The following GPHN variants were observed in gnomAD, a reference collection of about 807,000 sequenced individuals.
GPHN encodes the protein gephyrin.
GPHN carries 17 observed loss-of-function variants against 95.5 expected under a neutral mutation model. The observed-to-expected ratio is 0.18, with a 90% CI of 0.12 to 0.27. The LOEUF (loss-of-function observed/expected upper bound fraction) is 0.27, where lower values mean the gene tolerates loss of function less well. GPHN is among the 10% of genes least tolerant of loss of function. The pLI is 1.00. For missense variants in GPHN, 660 were observed against 978.1 expected, an observed-to-expected ratio of 0.67 and a Z score of 4.34; for synonymous variants, 320 against 322.5, an observed-to-expected ratio of 0.99 and a Z score of 0.08.
At chr14:67,417,613 T>G in the GPHN span, among the ~76,000 whole-genome samples, 1 of 151,994 alleles carries the variant, frequency 6.6e-6, no homozygotes, top group Admixed American at 6.6e-5. Context: ...AAAAAATTTT[T>G]TTTTGTAGAG....
At chr14:67,381,791 CAA>C in the GPHN span, 1 of 823,066 alleles carries the variant, frequency 1.2e-6, no homozygotes, top group Non-Finnish European at 1.9e-6. Flanking sequence ...CATTTCATAA[CAA>C]AAGTGGGTTT....
At chr14:66,712,418 C>T (rs368843446) in intron 2 of GPHN, among the ~76,000 whole-genome samples, 45 of 152,186 alleles carry the variant, frequency 3.0e-4, no homozygotes, top group African/African-American at 9.9e-4. Context: ...ATCCTTTGCC[C>T]GCTTGTTGAT....
chr14:66,827,244 A>G (rs1043853676), intron 4 of GPHN, among the ~76,000 whole-genome samples: 1 of 151,550 alleles, frequency 6.6e-6, no homozygotes, highest in Non-Finnish European at 1.5e-5. Context: ...AGATCACAAC[A>G]TTGCACTCCA....
At chr14:66,707,650 C>A (rs986160240) in intron 2 of GPHN, among the ~76,000 whole-genome samples, 1 of 152,188 alleles carries the variant, frequency 6.6e-6, no homozygotes, top group African/African-American at 2.4e-5. Context: ...GAACAACACA[C>A]ACCAGGGCCT....
chr14:67,352,313 T>TA, the GPHN span, among the ~76,000 whole-genome samples: 12 of 143,424 alleles, frequency 8.4e-5, no homozygotes, highest in African/African-American at 1.8e-4. Flanking sequence ...CTACTAAAAA[T>TA]AAAAAAAATG....
At chr14:67,031,257 C>A (rs543558377) in intron 10 of GPHN, among the ~76,000 whole-genome samples, 1 of 152,122 alleles carries the variant, frequency 6.6e-6, no homozygotes, top group East Asian at 1.9e-4. Flanking sequence ...GAATTTTTAT[C>A]TTTTTTATTA....
the GPHN span, among the ~76,000 whole-genome samples, chr14:67,460,611 G>A: frequency 6.6e-6 from 1 of 152,196 alleles, no homozygotes; most frequent in East Asian, 1.9e-4. Flanking sequence ...GGCTGACACA[G>A]GAGAATTGCT....
intron 1 of GPHN, among the ~76,000 whole-genome samples, chr14:66,677,989 T>C (rs1249201358): frequency 2.6e-5 from 4 of 152,166 alleles, no homozygotes; most frequent in Non-Finnish European, 5.9e-5. Context: ...TTCCCTTATA[T>C]GTAACTTGAT....
At chr14:67,451,288 G>C in the GPHN span, among the ~76,000 whole-genome samples, 1 of 152,356 alleles carries the variant, frequency 6.6e-6, no homozygotes, top group South Asian at 2.1e-4. Flanking sequence ...AGCCTCCACA[G>C]AGAGTCCCTA....
the GPHN span, chr14:67,393,009 C>A: frequency 8.0e-6 from 7 of 877,704 alleles, no homozygotes; most frequent in East Asian, 1.7e-4. Flanking sequence ...TGGCTGCACA[C>A]CCACACATGG....
At position 66,634,509 on chromosome 14, in the gene GPHN, C is replaced by G. The variant is rs550066503; in HGVS notation, c.65-46598C>G. Among the ~76,000 whole-genome samples, 41 of 152,228 alleles carry G rather than the reference C, an allele frequency of 2.7e-4. No individual in the cohort carries two copies. The East Asian group carries it at 3.1e-3, about 11-fold the overall frequency. ...TCTAGGTGTCACGTGGGGGCACCAACAGTGGTGGTTGTGTGTCCTGGGTGA... is the reference window on the plus strand; with the variant it reads ...TCTAGGTGTCACGTGGGGGCACCAAGAGTGGTGGTTGTGTGTCCTGGGTGA... On this transcript the variant is annotated intron_variant, in intron 1 of 22. Coordinates refer to ENST00000478722, the MANE Select transcript of GPHN (RefSeq NM_020806.5).
intron 20 of GPHN, among the ~76,000 whole-genome samples, chr14:67,167,046 CAAGTTT>C (rs1431851186): frequency 1.2e-4 from 18 of 152,318 alleles, no homozygotes; most frequent in African/African-American, 4.3e-4. Flanking sequence ...CTAATCTCGA[CAAGTTT>C]TAAATCAAAG....
At chr14:67,730,788 G>A in the GPHN span, among the ~76,000 whole-genome samples, 1 of 152,042 alleles carries the variant, frequency 6.6e-6, no homozygotes, top group Non-Finnish European at 1.5e-5. Context: ...ATTTTTAGTC[G>A]AGATGGGCTT....
At chr14:66,773,984 A>G (rs1399068288) in intron 2 of GPHN, among the ~76,000 whole-genome samples, 3 of 144,190 alleles carry the variant, frequency 2.1e-5, no homozygotes, top group Non-Finnish European at 4.5e-5. Context: ...TGAGCATCAT[A>G]TCTAGAAAGT....
the GPHN span, among the ~76,000 whole-genome samples, chr14:67,402,995 A>G: frequency 2.0e-5 from 3 of 152,164 alleles, no homozygotes; most frequent in Admixed American, 2.0e-4. Flanking sequence ...AGGAGCCTCT[A>G]AATTGTTCTG....
the GPHN span, among the ~76,000 whole-genome samples, chr14:67,538,731 C>T: frequency 6.6e-6 from 1 of 152,150 alleles, no homozygotes; most frequent in Non-Finnish European, 1.5e-5. Flanking sequence ...CCAACCTCCT[C>T]AGCAACTTGC....
the GPHN span, among the ~76,000 whole-genome samples, chr14:67,581,197 G>A: frequency 6.6e-6 from 1 of 152,144 alleles, no homozygotes; most frequent in South Asian, 2.1e-4. Context: ...GGGCTCTGCT[G>A]CTGATACTCT....
At chr14:66,833,848 A>C (rs2082980163) in intron 4 of GPHN, among the ~76,000 whole-genome samples, 1 of 152,118 alleles carries the variant, frequency 6.6e-6, no homozygotes, top group South Asian at 2.1e-4. Flanking sequence ...GTAATCATAG[A>C]TTTGTCAGTG....
the GPHN span, among the ~76,000 whole-genome samples, chr14:67,654,738 A>G: frequency 7.2e-5 from 11 of 152,280 alleles, no homozygotes; most frequent in South Asian, 2.1e-3. Context: ...TGTACCAATT[A>G]AAAAATTTTG....
Sources: allele counts gnomAD v4.1 joint callset (sites outside exome capture counted in the v4.1 genomes callset), GRCh38; gene constraint gnomAD v4.1.1; transcripts MANE v1.5; gene names NCBI Gene and HGNC (gene_info 2026-07-23, HGNC 2026-07-21).